CCDC171: variants seen among roughly 807,000 people sequenced by gnomAD.
The protein encoded by CCDC171 is coiled-coil domain containing 171.
CCDC171 carries 177 observed loss-of-function variants against 168.2 expected under a neutral mutation model. The ratio of observed to expected loss-of-function variants is 1.05; its 90% confidence interval spans 0.93 to 1.19. CCDC171 has a LOEUF of 1.19. Among genes scored for constraint, CCDC171 ranks in the 50% most tolerant of loss-of-function variants. The pLI is 0.00. For synonymous variants in CCDC171, 687 were observed against 540.8 expected (o/e 1.27, Z -3.75); for missense variants, 1,991 against 1,539.0 (o/e 1.29, Z -4.91).
At chr9:15,746,498 A>G (rs2055290592) in intron 18 of CCDC171, among the ~76,000 whole-genome samples, 1 of 152,240 alleles carries the variant, frequency 6.6e-6, no homozygotes, top group Admixed American at 6.5e-5. Flanking sequence ...CTGGGTTTGA[A>G]GTCTGAAATA....
At chr9:16,092,795 G>C in the CCDC171 span, among the ~76,000 whole-genome samples, 1 of 152,178 alleles carries the variant, frequency 6.6e-6, no homozygotes. Context: ...GTGGGATCTG[G>C]TCTCCATGGA....
At chr9:15,564,464 C>G (rs898370167) in intron 2 of CCDC171, among the ~76,000 whole-genome samples, 2 of 152,180 alleles carry the variant, frequency 1.3e-5, no homozygotes, top group African/African-American at 4.8e-5. Context: ...TTTCTTTAAC[C>G]TCTGTGGCTT....
intron 15 of CCDC171, among the ~76,000 whole-genome samples, chr9:15,728,945 GACAA>G (rs2053988806): frequency 6.6e-6 from 1 of 151,988 alleles, no homozygotes; most frequent in Middle Eastern, 3.2e-3. Flanking sequence ...TGGTCCTATT[GACAA>G]ACACAACCAT....
chr9:15,592,494 G>A lies in CCDC171; in HGVS notation c.543+938G>A, dbSNP rs982754692. On this transcript the variant is annotated intron_variant, in intron 5 of 25. Transcript: ENST00000380701. ...GCATTTAAAAACTGTAAAAGTTTTC[G>A]CACAGTCATTCCCAGATGTTGTCAT... is the stretch of plus-strand genomic sequence containing the variant. Among the ~76,000 whole-genome samples, 5 of 152,014 alleles carry A rather than the reference G, an allele frequency of 3.3e-5. No homozygotes were observed. The East Asian group carries it at 5.8e-4, about 18-fold the overall frequency.
At chr9:15,669,635 A>G (rs2048968297) in intron 9 of CCDC171, among the ~76,000 whole-genome samples, 1 of 152,154 alleles carries the variant, frequency 6.6e-6, no homozygotes, top group African/African-American at 2.4e-5. Flanking sequence ...TAAAGTCTTC[A>G]TTAGCTGTGA....
intron 24 of CCDC171, among the ~76,000 whole-genome samples, chr9:15,879,059 C>G (rs921188533): frequency 1.4e-4 from 22 of 152,088 alleles, no homozygotes; most frequent in Non-Finnish European, 2.8e-4. Context: ...GTACAACAAA[C>G]CATTGTGACA....
chr9:15,900,892 C>T (rs1053068882), intron 24 of CCDC171, among the ~76,000 whole-genome samples: 4 of 152,142 alleles, frequency 2.6e-5, no homozygotes, highest in African/African-American at 4.8e-5. Context: ...GCCCTAAGTA[C>T]GGGAAGAGTC....
At chr9:16,016,237 C>T (rs1317424920) in intron 3 of CCDC171, among the ~76,000 whole-genome samples, 1 of 152,066 alleles carries the variant, frequency 6.6e-6, no homozygotes, top group Admixed American at 6.6e-5. Context: ...GTGTCAAGGT[C>T]CAGCTCCATT....
chr9:15,741,333 C>A (rs1034664410), intron 16 of CCDC171, among the ~76,000 whole-genome samples: 2 of 152,116 alleles, frequency 1.3e-5, no homozygotes, highest in African/African-American at 4.8e-5. Context: ...AATGTGTTTT[C>A]TGTGTCTATA....
chr9:15,916,013 C>G (rs1458120760), intron 24 of CCDC171, among the ~76,000 whole-genome samples: 2 of 151,978 alleles, frequency 1.3e-5, no homozygotes, highest in African/African-American at 4.8e-5. Context: ...ATTCTATTTG[C>G]TAGTATTTTG....
chr9:15,695,437 C>G, intron 11 of CCDC171, 100 bp downstream of exon 11: 2 of 856,004 alleles, frequency 2.3e-6, no homozygotes, highest in African/African-American at 3.3e-5. Context: ...CTCATCTCAA[C>G]ATGTTTTGAT....
intron 3 of CCDC171, among the ~76,000 whole-genome samples, chr9:15,998,045 A>T (rs1302284687): frequency 6.6e-6 from 1 of 152,152 alleles, no homozygotes; most frequent in East Asian, 1.9e-4. Context: ...GTCTGTTGAT[A>T]AGAGTGTGCC....
intron 18 of CCDC171, among the ~76,000 whole-genome samples, chr9:15,767,820 T>TCCCCCCCC (rs2056805460): frequency 5.8e-4 from 1 of 1,716 alleles, no homozygotes; most frequent in Non-Finnish European, 1.3e-3. Flanking sequence ...TTTCTTTTCT[T>TCCCCCCCC]TTCTTTCCCT....
chr9:15,618,122 C>G (rs2044228874), intron 6 of CCDC171, among the ~76,000 whole-genome samples: 1 of 152,206 alleles, frequency 6.6e-6, no homozygotes, highest in Non-Finnish European at 1.5e-5. Context: ...GCTGCGACTG[C>G]AGCCGCCCCT....
intron 21 of CCDC171, among the ~76,000 whole-genome samples, chr9:15,846,372 T>G (rs2060894257): frequency 6.6e-6 from 1 of 152,150 alleles, no homozygotes; most frequent in Admixed American, 6.6e-5. Flanking sequence ...CTTTCTCCCC[T>G]GAAATCTTTA....
At chr9:15,866,915 A>G (rs1256119887) in intron 23 of CCDC171, among the ~76,000 whole-genome samples, 1 of 152,032 alleles carries the variant, frequency 6.6e-6, no homozygotes, top group Non-Finnish European at 1.5e-5. Flanking sequence ...GTCAAATTTT[A>G]CCAGCATATA....
intron 1 of CCDC171, among the ~76,000 whole-genome samples, chr9:16,057,893 G>A (rs560874611): frequency 7.2e-5 from 11 of 152,332 alleles, no homozygotes; most frequent in South Asian, 6.2e-4. Flanking sequence ...GCCCTTGTCT[G>A]GGTGGCCCTG....
intron 10 of CCDC171, among the ~76,000 whole-genome samples, chr9:15,686,592 TA>T (rs775753004): frequency 4.0e-5 from 6 of 149,744 alleles, no homozygotes; most frequent in Non-Finnish European, 8.9e-5. Context: ...ATGCACCCAA[TA>T]AAAAAAAACT....
intron 6 of CCDC171, among the ~76,000 whole-genome samples, chr9:15,611,750 A>C (rs1223962027): frequency 6.6e-6 from 1 of 152,108 alleles, no homozygotes; most frequent in Non-Finnish European, 1.5e-5. Flanking sequence ...GGCAGAGGCA[A>C]CCCGAGAGTG....
Sources: allele counts gnomAD v4.1 joint callset (sites outside exome capture counted in the v4.1 genomes callset), GRCh38; gene constraint gnomAD v4.1.1; transcripts MANE v1.5; gene names NCBI Gene and HGNC (gene_info 2026-07-23, HGNC 2026-07-21).